The following NTM variants were observed in gnomAD, a reference collection of about 807,000 sequenced individuals.
The protein encoded by NTM is IgLON family member 2.
A neutral mutation model predicts 42.1 loss-of-function variants in NTM; 13 were observed. That is an observed-to-expected ratio of 0.31 (90% confidence interval 0.20 to 0.49). The LOEUF (loss-of-function observed/expected upper bound fraction) is 0.49. NTM is among the 20% of genes least tolerant of loss of function. The pLI, the probability that NTM is intolerant of heterozygous loss-of-function variation, is 0.99. For synonymous variants in NTM, 187 were observed against 179.2 expected (o/e 1.04, Z -0.35); for missense variants, 373 against 452.8 (o/e 0.82, Z 1.60).
intron 2 of NTM, among the ~76,000 whole-genome samples, chr11:131,929,885 C>T (rs368698144): frequency 1.3e-5 from 2 of 152,112 alleles, no homozygotes; most frequent in Admixed American, 6.5e-5. Flanking sequence ...GGCTGAAATC[C>T]GTGAAATGTC....
At chr11:131,522,626 C>G (rs946657463) in intron 1 of NTM, among the ~76,000 whole-genome samples, 1 of 152,146 alleles carries the variant, frequency 6.6e-6, no homozygotes, top group Admixed American at 6.5e-5. Flanking sequence ...CAAATACGAC[C>G]TACGTGGAAA....
At chr11:131,754,154 G>A (rs1309047544) in intron 1 of NTM, among the ~76,000 whole-genome samples, 1 of 136,114 alleles carries the variant, frequency 7.3e-6, no homozygotes, top group East Asian at 2.7e-4. Context: ...AGGGGGAAGG[G>A]ATAGCATTTG....
At chr11:132,095,396 A>G (rs1189024709) in intron 2 of NTM, among the ~76,000 whole-genome samples, 1 of 151,992 alleles carries the variant, frequency 6.6e-6, no homozygotes, top group East Asian at 1.9e-4. Flanking sequence ...AAGGCTCTGC[A>G]GGGACTGGCG....
chr11:131,776,771 G>A (rs953509319), intron 1 of NTM, among the ~76,000 whole-genome samples: 2 of 152,164 alleles, frequency 1.3e-5, no homozygotes, highest in African/African-American at 4.8e-5. Context: ...GCCACATGGT[G>A]TCACAGGGAT....
Position 131,961,730 on chromosome 11 carries a change from G to A in NTM, c.167+50082G>A, listed in dbSNP as rs561730290. 5.9e-5 allele frequency among the ~76,000 whole-genome samples: 9 copies of A among 152,236 alleles called. No homozygotes were observed. In the East Asian group the frequency reaches 7.7e-4, roughly 13 times the overall value. On this transcript the variant is annotated intron_variant, in intron 2 of 8. Coordinates refer to ENST00000683400, the MANE Select transcript of NTM (RefSeq NM_001352005.2). The stretch of plus-strand genomic sequence containing the variant: ...GGCAGCATCAATAGCCCTGAGAGGG[G>A]GTCAAAAGTCAGACTGAGTGAGTGA...
At chr11:131,920,153 G>A (rs911814507) in intron 2 of NTM, among the ~76,000 whole-genome samples, 1 of 152,112 alleles carries the variant, frequency 6.6e-6, no homozygotes, top group African/African-American at 2.4e-5. Context: ...CATAGATTTC[G>A]GAGTGCCAGA....
At chr11:131,423,312 G>A (rs1947724238) in intron 1 of NTM, among the ~76,000 whole-genome samples, 1 of 152,184 alleles carries the variant, frequency 6.6e-6, no homozygotes, top group Non-Finnish European at 1.5e-5. Context: ...CTAAGTGTCT[G>A]ATAGGGGATT....
At chr11:131,560,334 A>G (rs2056067635) in intron 1 of NTM, among the ~76,000 whole-genome samples, 1 of 152,226 alleles carries the variant, frequency 6.6e-6, no homozygotes, top group Non-Finnish European at 1.5e-5. Flanking sequence ...CCGTAGTCAT[A>G]AACGCAGTCA....
intron 2 of NTM, among the ~76,000 whole-genome samples, chr11:132,059,746 C>T (rs2136012422): frequency 6.7e-6 from 1 of 149,460 alleles, no homozygotes; most frequent in African/African-American, 2.5e-5. Flanking sequence ...CCCCCCATCA[C>T]CCCCTGCCAC....
intron 3 of NTM, among the ~76,000 whole-genome samples, chr11:132,185,308 C>G (rs2078231694): frequency 6.6e-6 from 1 of 152,180 alleles, no homozygotes; most frequent in African/African-American, 2.4e-5. Flanking sequence ...CACACATTTT[C>G]TTGAGATATC....
At chr11:131,666,242 T>C (rs1413809182) in intron 1 of NTM, among the ~76,000 whole-genome samples, 2 of 152,208 alleles carry the variant, frequency 1.3e-5, no homozygotes, top group Non-Finnish European at 2.9e-5. Flanking sequence ...CTCTCAGCCT[T>C]ACTGCTGTGG....
chr11:132,214,582 A>G (rs1420904204), intron 4 of NTM, among the ~76,000 whole-genome samples: 1 of 151,874 alleles, frequency 6.6e-6, no homozygotes, highest in Non-Finnish European at 1.5e-5. Context: ...TAATTTCATT[A>G]TTTTCCACAT....
intron 3 of NTM, among the ~76,000 whole-genome samples, chr11:132,174,009 G>C (rs1029358592): frequency 2.6e-5 from 4 of 152,098 alleles, no homozygotes; most frequent in African/African-American, 9.7e-5. Flanking sequence ...TTTAGGCTTG[G>C]ACCATGTCTT....
intron 7 of NTM, among the ~76,000 whole-genome samples, chr11:132,321,006 C>CACACCAAAAACCCATCTGTACATCA (rs2095555376): frequency 2.0e-5 from 3 of 148,548 alleles, no homozygotes; most frequent in Non-Finnish European, 4.4e-5. Context: ...AAAGGACATC[C>CACACCAAAAACCCATCTGTACATCA]ACACCAAAAA....
chr11:131,791,562 G>C (rs532236397), intron 1 of NTM, among the ~76,000 whole-genome samples: 3 of 152,260 alleles, frequency 2.0e-5, no homozygotes, highest in Admixed American at 6.5e-5. Flanking sequence ...AGGCCCCTCA[G>C]GCTCCTTCAC....
At chr11:131,425,634 T>C (rs1182315318) in intron 1 of NTM, among the ~76,000 whole-genome samples, 1 of 152,106 alleles carries the variant, frequency 6.6e-6, no homozygotes, top group African/African-American at 2.4e-5. Flanking sequence ...CAGTAGTGCC[T>C]TTGAGGGAGA....
intron 1 of NTM, among the ~76,000 whole-genome samples, chr11:131,507,294 C>T: frequency 6.6e-6 from 1 of 151,876 alleles, no homozygotes; most frequent in Non-Finnish European, 1.5e-5. Flanking sequence ...GTTTTCCCAG[C>T]ACCATTTATT....
At chr11:131,428,468 A>G (rs1185379602) in intron 1 of NTM, among the ~76,000 whole-genome samples, 1 of 152,008 alleles carries the variant, frequency 6.6e-6, no homozygotes. Flanking sequence ...GCCTTATCCT[A>G]TGAGACCTGC....
At chr11:132,167,985 G>A (rs2075542382) in intron 3 of NTM, among the ~76,000 whole-genome samples, 1 of 152,180 alleles carries the variant, frequency 6.6e-6, no homozygotes, top group Admixed American at 6.5e-5. Flanking sequence ...GCAGTGTGGA[G>A]AACTATCTAA....
Sources: allele counts gnomAD v4.1 joint callset (sites outside exome capture counted in the v4.1 genomes callset), GRCh38; gene constraint gnomAD v4.1.1; transcripts MANE v1.5; gene names NCBI Gene and HGNC (gene_info 2026-07-23, HGNC 2026-07-21).